SLC39A8: variants seen among roughly 807,000 people sequenced by gnomAD.
SLC39A8 encodes metal cation symporter ZIP8.
Under a neutral mutation model 40.4 loss-of-function variants are expected in SLC39A8, and 15 were observed. That is an observed-to-expected ratio of 0.37 (90% CI 0.25 to 0.57). The LOEUF (loss-of-function observed/expected upper bound fraction) is 0.57. Ranked by LOEUF, SLC39A8 falls within the 20% of genes least tolerant of loss-of-function variation. The pLI is 0.75. For missense variants in SLC39A8, 472 were observed against 558.8 expected (o/e 0.84, Z 1.57); for synonymous variants, 223 against 221.6 (o/e 1.01, Z -0.06).
chr4:102,315,604 TAACTTCATTTCAC>T (rs1441667025), intron 3 of SLC39A8, 51 bp downstream of exon 3: 2 of 1,426,638 alleles, frequency 1.4e-6, no homozygotes, highest in Non-Finnish European at 1.9e-6. Context: ...AGAGGCATAT[TAACTTCATTTCAC>T]AATGGTTCAT....
intron 6 of SLC39A8, among the ~76,000 whole-genome samples, chr4:102,295,395 A>G (rs1051286307): frequency 4.6e-5 from 7 of 152,018 alleles, no homozygotes; most frequent in Admixed American, 6.6e-5. Context: ...TTTCATATGG[A>G]TATCAAAGTA....
chr4:102,308,155 A>G (rs1734273301), intron 3 of SLC39A8, among the ~76,000 whole-genome samples: 1 of 151,940 alleles, frequency 6.6e-6, no homozygotes, highest in Admixed American at 6.6e-5. Flanking sequence ...CTCCTCAGAG[A>G]AGGTGGCACC....
intron 6 of SLC39A8, among the ~76,000 whole-genome samples, chr4:102,272,690 G>A (rs1003857151): frequency 6.6e-6 from 1 of 152,086 alleles, no homozygotes; most frequent in Non-Finnish European, 1.5e-5. Flanking sequence ...AACAGCTCTG[G>A]TCTGTAGCTC....
At chr4:102,256,277 G>A (rs2148998575) in intron 11 of SLC39A8, among the ~76,000 whole-genome samples, 1 of 152,304 alleles carries the variant, frequency 6.6e-6, no homozygotes, top group East Asian at 1.9e-4. Context: ...GCACTTCATA[G>A]TATGCTTTAA....
rs1286352253 is a variant in SLC39A8, at chr4:102,262,486, T to C, written c.*558A>G. On this transcript the variant is annotated 3_prime_UTR_variant, in exon 9 of 9. Transcript: ENST00000356736. ...TCAAAATAATACTGCAAGTTCCTAATTGAAATACAAAACAGAACAAAAAGC... is the reference window on the plus strand; with the variant it reads ...TCAAAATAATACTGCAAGTTCCTAACTGAAATACAAAACAGAACAAAAAGC... 1.0e-6 allele frequency: 1 copy of C among 985,218 alleles called. No homozygotes were observed. The highest frequency in any genetic ancestry group is 1.2e-6 in the Non-Finnish European group (1 of 829,720). The allele number at this position is 985,218 out of a possible 1,614,324, so 61.0% of individuals were successfully genotyped here.
At chr4:102,271,095 G>T (rs1358356106) in intron 6 of SLC39A8, among the ~76,000 whole-genome samples, 1 of 151,570 alleles carries the variant, frequency 6.6e-6, no homozygotes, top group Non-Finnish European at 1.5e-5. Context: ...ATGAAGAGAA[G>T]GATGATTAGG....
chr4:102,288,730 A>AAC (rs1733293726), intron 6 of SLC39A8, among the ~76,000 whole-genome samples: 1 of 152,144 alleles, frequency 6.6e-6, no homozygotes, highest in African/African-American at 2.4e-5. Context: ...TAGAAGATCA[A>AAC]ACCACCCACA....
rs1489852014 is a variant in SLC39A8, at chr4:102,344,567, A to C, written c.96T>G (p.Asp32Glu). 1 of 1,551,662 alleles carries C rather than the reference A, an allele frequency of 6.4e-7. No individual in the cohort carries two copies. Among genetic ancestry groups the C allele is most frequent in the Admixed American group, 1.9e-5 (1 of 51,324 alleles). The stretch of plus-strand genomic sequence containing the variant: ...GATTCGCGCCGAACACGCTCAGCAC[A>C]TCCTCGCTGAAGGCTAGCCCTGGCC... ...AEGPGLAFSE[D>E]VLSVFGANLS... Residue 32 changes from aspartate to glutamate, a missense_variant, in exon 2 of 9, where the codon GAT becomes GAG. Asp to Glu is a conservative substitution (Grantham distance 45, BLOSUM62 2). Around this residue, in one of 4 missense-constraint regions of SLC39A8, gnomAD observed 175 missense variants for 160.5 expected, o/e 1.09. Transcript: ENST00000356736.
chr4:102,309,952 T>C (rs1376276488), intron 3 of SLC39A8, among the ~76,000 whole-genome samples: 1 of 152,066 alleles, frequency 6.6e-6, no homozygotes, highest in South Asian at 2.1e-4. Flanking sequence ...CCTCATCTTA[T>C]ATAACATGAC....
downstream of SLC39A8, among the ~76,000 whole-genome samples, chr4:102,258,046 T>C (rs1043063299): frequency 1.3e-5 from 2 of 152,122 alleles, no homozygotes; most frequent in African/African-American, 4.8e-5. Flanking sequence ...AGCTGCAGCC[T>C]GGCCTAGCAT....
At chr4:102,255,091 A>G (rs1014744813) in intron 11 of SLC39A8, among the ~76,000 whole-genome samples, 5 of 152,240 alleles carry the variant, frequency 3.3e-5, no homozygotes, top group Non-Finnish European at 5.9e-5. Flanking sequence ...ACTGGAACAT[A>G]ATAGAGATTT....
chr4:102,266,353 A>G (rs1352623114), intron 8 of SLC39A8, among the ~76,000 whole-genome samples: 2 of 150,350 alleles, frequency 1.3e-5, no homozygotes, highest in Admixed American at 1.3e-4. Context: ...TAAATGTAGC[A>G]TTGGTTCTAA....
In SLC39A8 at chr4:102,307,819, G is replaced by A. The variant is rs41275739; in HGVS notation, c.383-214C>T. Among the ~76,000 whole-genome samples the A allele has an allele frequency of 0.12, 18,169 of 151,996 alleles. 1,305 individuals carry two copies. Among genetic ancestry groups the A allele is most frequent in the African/African-American group, 0.14 (6,007 of 41,478 alleles). On this transcript the variant is annotated intron_variant, in intron 3 of 8. Coordinates refer to ENST00000356736, the MANE Select transcript of SLC39A8 (RefSeq NM_001135146.2). ...AGTAATACTGTTTATGTTTTAATCA[G>A]CCCTAAATCATCATTATGGGATTAA...
chr4:102,322,223 C>T (rs776428292), intron 2 of SLC39A8, among the ~76,000 whole-genome samples: 3 of 152,054 alleles, frequency 2.0e-5, no homozygotes, highest in Admixed American at 6.5e-5. Context: ...CCATTTCTGC[C>T]GCCATGTGAA....
At chr4:102,315,646 A>C in intron 3 of SLC39A8, 22 bp downstream of exon 3, 1 of 1,570,458 alleles carries the variant, frequency 6.4e-7, no homozygotes, top group Non-Finnish European at 8.6e-7. Flanking sequence ...CAAATAAAAG[A>C]GAAAAAATGC....
rs1731912747 is a variant in SLC39A8 at position 102,262,586 on chromosome 4, T to G, written c.*458A>C. 5 of 985,418 alleles carry G rather than the reference T, an allele frequency of 5.1e-6. No individual in the cohort carries two copies. The highest frequency in any genetic ancestry group is 6.0e-6 in the Non-Finnish European group (5 of 829,742). The allele number at this position is 985,418 out of a possible 1,614,324, so 61.0% of individuals were successfully genotyped here. On this transcript the variant is annotated 3_prime_UTR_variant, in exon 9 of 9. Transcript: ENST00000356736. ...ATATTAGTGTTGCATACATTTTACCTTCTACATTTTGATGTACTTGCTCTT... is the reference window on the plus strand; with the variant it reads ...ATATTAGTGTTGCATACATTTTACCGTCTACATTTTGATGTACTTGCTCTT...
chr4:102,322,009 G>A (rs1298552434), intron 2 of SLC39A8, among the ~76,000 whole-genome samples: 1 of 152,082 alleles, frequency 6.6e-6, no homozygotes, highest in Non-Finnish European at 1.5e-5. Flanking sequence ...AGATGTCTGT[G>A]GTTTTTGCCT....
At chr4:102,257,553 C>G (rs2148998964), downstream of SLC39A8, among the ~76,000 whole-genome samples, 1 of 152,314 alleles carries the variant, frequency 6.6e-6, no homozygotes, top group South Asian at 2.1e-4. Flanking sequence ...TTCCTCTCTT[C>G]ACTTCCTCCA....
intron 4 of SLC39A8, among the ~76,000 whole-genome samples, chr4:102,306,164 A>C (rs1265891723): frequency 6.6e-6 from 1 of 152,046 alleles, no homozygotes; most frequent in Non-Finnish European, 1.5e-5. Flanking sequence ...TTATATTGTT[A>C]AACTTCAAGA....
Sources: allele counts gnomAD v4.1 joint callset (sites outside exome capture counted in the v4.1 genomes callset), GRCh38; gene constraint gnomAD v4.1.1; regional missense constraint gnomAD v4.1.1; transcripts MANE v1.5; gene names NCBI Gene and HGNC (gene_info 2026-07-23, HGNC 2026-07-21).